COMMD1: variants seen among roughly 807,000 people sequenced by gnomAD.
The protein encoded by COMMD1 is copper metabolism domain containing 1, also known as COMM domain-containing protein 1.
A neutral mutation model predicts 17.2 loss-of-function variants in COMMD1; 10 were observed. The ratio of observed to expected loss-of-function variants is 0.58; its 90% confidence interval spans 0.36 to 0.99. The LOEUF is 0.99. Ranked by LOEUF, COMMD1 falls within the 50% of genes least tolerant of loss-of-function variation. The pLI, the probability that COMMD1 is intolerant of heterozygous loss-of-function variation, is 0.01. For synonymous variants in COMMD1, 97 were observed against 91.6 expected, an observed-to-expected ratio of 1.06 and a Z score of -0.34; for missense variants, 270 against 231.8, an observed-to-expected ratio of 1.17 and a Z score of -1.07.
chr2:62,080,679 C>T (rs145657379), intron 2 of COMMD1, among the ~76,000 whole-genome samples: 2 of 152,232 alleles, frequency 1.3e-5, no homozygotes, highest in African/African-American at 4.8e-5. Context: ...ATATACAAAA[C>T]TTAAATAAGA....
chr2:62,075,879 ATGG>A (rs1671325893), intron 2 of COMMD1, among the ~76,000 whole-genome samples: 2 of 152,326 alleles, frequency 1.3e-5, no homozygotes, highest in African/African-American at 4.8e-5. Flanking sequence ...TGGCAATATA[ATGG>A]TTTGGAAGTC....
intron 2 of COMMD1, among the ~76,000 whole-genome samples, chr2:62,030,723 T>C (rs926636358): frequency 1.3e-5 from 2 of 152,234 alleles, no homozygotes; most frequent in African/African-American, 4.8e-5. Flanking sequence ...CTTAAAATAT[T>C]TGCTGAAGCT....
intron 2 of COMMD1, among the ~76,000 whole-genome samples, chr2:62,126,087 C>A (rs1159423479): frequency 6.6e-6 from 1 of 152,170 alleles, no homozygotes; most frequent in Non-Finnish European, 1.5e-5. Flanking sequence ...GTGTACCCTG[C>A]AAAGGACATG....
Position 62,110,092 on chromosome 2 carries a change from G to A in COMMD1, c.463-25739G>A, listed in dbSNP as rs144571479. ...TCTACTGAAATTGCCCTTTTCTGGC[G>A]GGGGTGGGAGACAGGGTCTCTTGCC... On this transcript the variant is annotated intron_variant, in intron 2 of 2. Transcript: ENST00000311832. Among the ~76,000 whole-genome samples the A allele has an allele frequency of 1.4e-4, 22 of 151,780 alleles. No individual in the cohort carries two copies. The East Asian group carries it at 2.3e-3, about 16-fold the overall frequency.
intron 1 of COMMD1, among the ~76,000 whole-genome samples, chr2:61,897,351 T>A (rs1214392665): frequency 6.6e-6 from 1 of 152,200 alleles, no homozygotes; most frequent in Non-Finnish European, 1.5e-5. Context: ...GGCTCCTGTG[T>A]CATGTAAAAC....
intron 2 of COMMD1, among the ~76,000 whole-genome samples, chr2:62,094,708 C>T (rs1671950990): frequency 6.6e-6 from 1 of 152,102 alleles, no homozygotes; most frequent in South Asian, 2.1e-4. Flanking sequence ...GAGTATCAAA[C>T]TTGAGAGAAT....
intron 2 of COMMD1, among the ~76,000 whole-genome samples, chr2:62,026,250 C>T (rs2103865685): frequency 6.6e-6 from 1 of 152,272 alleles, no homozygotes; most frequent in South Asian, 2.1e-4. Flanking sequence ...TACAGTTCTG[C>T]AGGCTGTACA....
intron 2 of COMMD1, among the ~76,000 whole-genome samples, chr2:62,015,799 T>G (rs1032933266): frequency 6.6e-6 from 1 of 152,002 alleles, no homozygotes; most frequent in Non-Finnish European, 1.5e-5. Flanking sequence ...TTAGAGATGT[T>G]GAACATCTTT....
chr2:61,925,950 T>TTTTTTTG (rs963373043), intron 1 of COMMD1, among the ~76,000 whole-genome samples: 62 of 152,044 alleles, frequency 4.1e-4, no homozygotes, highest in South Asian at 1.4e-3. Context: ...GTTAGTGTTT[T>TTTTTTTG]TTTTTTGTTT....
chr2:62,012,327 A>AT (rs57069379), intron 2 of COMMD1, among the ~76,000 whole-genome samples: 1,365 of 127,622 alleles, frequency 0.011, 27 homozygotes, highest in East Asian at 0.083. Flanking sequence ...TTTGGCAGTG[A>AT]TTTTTTTTTT....
upstream of COMMD1, among the ~76,000 whole-genome samples, chr2:61,905,033 A>G (rs1408203340): frequency 6.6e-6 from 1 of 152,196 alleles, no homozygotes; most frequent in African/African-American, 2.4e-5. Context: ...TTATGGCTGA[A>G]TAATATATTG....
intron 1 of COMMD1, among the ~76,000 whole-genome samples, chr2:61,900,187 T>A (rs564621489): frequency 1.3e-5 from 2 of 152,298 alleles, no homozygotes; most frequent in East Asian, 3.9e-4. Context: ...CAGATTACAA[T>A]TTTATGCATT....
chr2:61,966,922 T>C (rs1671519880), intron 1 of COMMD1, among the ~76,000 whole-genome samples: 1 of 152,112 alleles, frequency 6.6e-6, no homozygotes, highest in Admixed American at 6.5e-5. Flanking sequence ...TTTTTAAAAA[T>C]TTACCGTCAA....
intron 1 of COMMD1, among the ~76,000 whole-genome samples, chr2:61,910,808 GCGC>G (rs1669884885): frequency 6.6e-6 from 1 of 152,144 alleles, no homozygotes; most frequent in African/African-American, 2.4e-5. Context: ...TTTAGGCCGG[GCGC>G]CACGGCTCAC....
At chr2:61,954,058 A>C (rs1450492886) in intron 1 of COMMD1, among the ~76,000 whole-genome samples, 1 of 152,052 alleles carries the variant, frequency 6.6e-6, no homozygotes, top group Non-Finnish European at 1.5e-5. Context: ...TCTCTACTAA[A>C]AATAAAAAAA....
At chr2:62,004,821 C>T (rs1669066815) in intron 2 of COMMD1, among the ~76,000 whole-genome samples, 1 of 152,060 alleles carries the variant, frequency 6.6e-6, no homozygotes, top group Non-Finnish European at 1.5e-5. Flanking sequence ...TTTAGAACAC[C>T]TATAGGCACC....
Position 62,078,309 on chromosome 2 carries a change from T to A in COMMD1, c.463-57522T>A, listed in dbSNP as rs190787529. On this transcript the variant is annotated intron_variant, in intron 2 of 2. Coordinates refer to ENST00000311832, the MANE Select transcript of COMMD1 (RefSeq NM_152516.4). The stretch of plus-strand genomic sequence containing the variant: ...TAGCTCATGCCTGTAATCCCAGCAC[T>A]TTGGGAGGCCGAGGTGGGTAGATCA... 4.1e-3 allele frequency among the ~76,000 whole-genome samples: 600 copies of A among 145,650 alleles called. 5 individuals are homozygous for A. The highest frequency in any genetic ancestry group is 0.021 in the Admixed American group (298 of 14,406).
At position 61,913,446 on chromosome 2, in the gene COMMD1, G is replaced by A. The variant is rs1163458229; in HGVS notation, c.180+7588G>A. 3.3e-5 allele frequency among the ~76,000 whole-genome samples: 5 copies of A among 151,032 alleles called. No individual in the cohort carries two copies. The South Asian group carries it at 1.1e-3, about 32-fold the overall frequency. ...TAATCCCAGCACTTTGGGAGGCCGA[G>A]GCAGATGGATCATGAGGTCAGGAGA... On this transcript the variant is annotated intron_variant, in intron 1 of 2. Coordinates refer to ENST00000311832, the MANE Select transcript of COMMD1 (RefSeq NM_152516.4).
intron 1 of COMMD1, among the ~76,000 whole-genome samples, chr2:61,960,478 A>G (rs1460313192): frequency 6.6e-6 from 1 of 152,336 alleles, no homozygotes; most frequent in Non-Finnish European, 1.5e-5. Flanking sequence ...GTTTCCTTTC[A>G]TCTGCCAAAC....
Sources: allele counts gnomAD v4.1 joint callset (sites outside exome capture counted in the v4.1 genomes callset), GRCh38; gene constraint gnomAD v4.1.1; transcripts MANE v1.5; gene names NCBI Gene and HGNC (gene_info 2026-07-23, HGNC 2026-07-21).